CLDN10: variants seen among roughly 807,000 people sequenced by gnomAD.
CLDN10 encodes the protein claudin-10.
CLDN10 carries 15 observed loss-of-function variants against 22.9 expected under a neutral mutation model. The ratio of observed to expected loss-of-function variants is 0.65; its 90% CI spans 0.44 to 1.01. The LOEUF (loss-of-function observed/expected upper bound fraction) is 1.01. Among genes scored for constraint, CLDN10 ranks in the 50% least tolerant of loss-of-function variants. CLDN10 has a pLI of 0.00. For synonymous variants in CLDN10, 114 were observed against 111.4 expected (o/e 1.02, Z -0.15); for missense variants, 247 against 287.8 (o/e 0.86, Z 1.03).
upstream of CLDN10, among the ~76,000 whole-genome samples, chr13:95,549,541 C>T (rs2043543320): frequency 6.6e-6 from 1 of 152,144 alleles, no homozygotes; most frequent in South Asian, 2.1e-4. Context: ...ACAAAACTAG[C>T]TTGAGAAGCA....
At chr13:95,529,321 C>A (rs2043316763) in intron 1 of CLDN10, among the ~76,000 whole-genome samples, 1 of 152,078 alleles carries the variant, frequency 6.6e-6, no homozygotes, top group East Asian at 1.9e-4. Flanking sequence ...GGTGTTTCAT[C>A]AGATCTTCTG....
At chr13:95,447,554 G>A (rs2139073520) in intron 1 of CLDN10, among the ~76,000 whole-genome samples, 1 of 152,242 alleles carries the variant, frequency 6.6e-6, no homozygotes, top group East Asian at 1.9e-4. Context: ...CTGACCCAGT[G>A]CCTGTCCTAA....
Position 95,468,625 on chromosome 13 carries a change from T to C in CLDN10, c.214+34578T>C, listed in dbSNP as rs144085758. 2.0e-4 allele frequency among the ~76,000 whole-genome samples: 31 copies of C among 151,626 alleles called. No homozygotes were observed. In the East Asian group the frequency reaches 4.8e-3, roughly 24 times the overall value. ...CTTGTAATCCCAGCTACTTGGGAGG[T>C]TGAGGTGGGAGGATCATTTGAACCC... On this transcript the variant is annotated intron_variant, in intron 1 of 4. Coordinates refer to the CLDN10 transcript ENST00000376873.
chr13:95,511,765 TC>T (rs2043101715), intron 1 of CLDN10, among the ~76,000 whole-genome samples: 1 of 70,538 alleles, frequency 1.4e-5, no homozygotes, highest in East Asian at 4.6e-4. Flanking sequence ...AGATTCTCTC[TC>T]CTTTTTTTTT....
rs34372824 is a variant in CLDN10 at position 95,467,529 on chromosome 13, T to TTGG, written c.214+33482_214+33483insTGG. Among the ~76,000 whole-genome samples the TTGG allele has an allele frequency of 9.0e-3, 1,352 of 150,878 alleles. 30 individuals are homozygous for TTGG. Among genetic ancestry groups the TTGG allele is most frequent in the African/African-American group, 0.03 (1,234 of 41,128 alleles). Reference sequence around the variant, plus strand: ...TTACCCCTCCCTCTATTGTTTTTTTTGGGGGGGGCAATTTATTTGTTGATG... The same window carrying TTGG: ...TTACCCCTCCCTCTATTGTTTTTTTTTGGGGGGGGGGCAATTTATTTGTTGATG... On this transcript the variant is annotated intron_variant, in intron 1 of 4. Coordinates refer to the CLDN10 transcript ENST00000376873.
At chr13:95,464,854 C>T (rs1003594902) in intron 1 of CLDN10, among the ~76,000 whole-genome samples, 2 of 152,072 alleles carry the variant, frequency 1.3e-5, no homozygotes, top group Admixed American at 1.3e-4. Context: ...GCCTCAGCCT[C>T]CCAAGTAGCT....
chr13:95,555,032 C>T (rs146361606), intron 1 of CLDN10, among the ~76,000 whole-genome samples: 1 of 148,278 alleles, frequency 6.7e-6, no homozygotes, highest in African/African-American at 2.5e-5. Flanking sequence ...ATTCTCACCA[C>T]TCTGTGTTAA....
intron 1 of CLDN10, among the ~76,000 whole-genome samples, chr13:95,545,199 C>T (rs1566328496): frequency 6.6e-6 from 1 of 151,846 alleles, no homozygotes; most frequent in Non-Finnish European, 1.5e-5. Context: ...AATGTTATTC[C>T]AATTGATATA....
intron 3 of CLDN10, among the ~76,000 whole-genome samples, chr13:95,565,616 A>T (rs1173778919): frequency 2.6e-5 from 4 of 152,144 alleles, no homozygotes; most frequent in Non-Finnish European, 5.9e-5. Context: ...GAAATAAACA[A>T]CTACCTACTT....
At chr13:95,569,552 C>T (rs2043828516) in intron 3 of CLDN10, among the ~76,000 whole-genome samples, 1 of 151,904 alleles carries the variant, frequency 6.6e-6, no homozygotes, top group Admixed American at 6.5e-5. Context: ...CCACTGCACT[C>T]CAGCCTGGGC....
intron 1 of CLDN10, among the ~76,000 whole-genome samples, chr13:95,451,922 C>G (rs780535690): frequency 2.0e-5 from 3 of 152,186 alleles, no homozygotes; most frequent in Non-Finnish European, 2.9e-5. Flanking sequence ...GTCCAAAGCA[C>G]AGTGTGATAG....
intron 1 of CLDN10, among the ~76,000 whole-genome samples, chr13:95,448,992 G>A (rs1171488916): frequency 1.3e-5 from 2 of 151,846 alleles, no homozygotes; most frequent in South Asian, 4.2e-4. Flanking sequence ...GCCTCCCTCG[G>A]CTTCCCAAAG....
chr13:95,434,065 G>A, intron 1 of CLDN10: 1 of 1,604,476 alleles, frequency 6.2e-7, no homozygotes, highest in South Asian at 1.1e-5. Flanking sequence ...TAATGGCTTT[G>A]TTTGGGGTGG....
chr13:95,487,641 A>G (rs772098668), intron 1 of CLDN10, among the ~76,000 whole-genome samples: 18 of 152,202 alleles, frequency 1.2e-4, no homozygotes, highest in Non-Finnish European at 2.1e-4. Context: ...ATGTTGTCAC[A>G]TCTGTACTCC....
chr13:95,434,868 C>T (rs114689585), intron 1 of CLDN10, among the ~76,000 whole-genome samples: 69 of 151,930 alleles, frequency 4.5e-4, no homozygotes, highest in African/African-American at 1.6e-3. Context: ...AGGGTTTCCA[C>T]GTTTTTTTTA....
Position 95,578,038 on chromosome 13 carries a change from C to T in CLDN10, c.*24C>T. 1 of 1,406,654 alleles carries T rather than the reference C, an allele frequency of 7.1e-7. No homozygotes were observed. Among genetic ancestry groups the T allele is most frequent in the Non-Finnish European group, 1.0e-6 (1 of 997,156 alleles). 87.1% of individuals were successfully genotyped at this position (1,406,654 alleles called of 1,614,324 possible). On this transcript the variant is annotated 3_prime_UTR_variant, in exon 5 of 5. Transcript: ENST00000299339. ...AAAAGAGCTCGCTGGCAAGCTGCCTCTTGAGTTTGTTATAAAAGCGAACTG... is the reference window on the plus strand; with the variant it reads ...AAAAGAGCTCGCTGGCAAGCTGCCTTTTGAGTTTGTTATAAAAGCGAACTG...
chr13:95,535,068 G>T (rs1309760788), intron 1 of CLDN10, among the ~76,000 whole-genome samples: 7 of 152,222 alleles, frequency 4.6e-5, no homozygotes, highest in East Asian at 1.9e-4. Context: ...AGCAAAAAAG[G>T]CATCCTGGGT....
intron 1 of CLDN10, among the ~76,000 whole-genome samples, chr13:95,557,861 C>T (rs749952976): frequency 2.6e-5 from 4 of 152,146 alleles, no homozygotes; most frequent in African/African-American, 9.7e-5. Flanking sequence ...TATTAAGAAT[C>T]GAATGGGTTG....
intron 1 of CLDN10, among the ~76,000 whole-genome samples, chr13:95,482,057 A>G (rs1301977284): frequency 6.6e-6 from 1 of 152,184 alleles, no homozygotes; most frequent in African/African-American, 2.4e-5. Context: ...ACTTAATTGT[A>G]CATGTAAAAA....
Sources: gnomAD v4.1 joint callset for allele counts (sites outside exome capture counted in the v4.1 genomes callset) on GRCh38, gnomAD v4.1.1 for gene constraint, MANE v1.5 for transcripts, NCBI Gene and HGNC (gene_info 2026-07-23, HGNC 2026-07-21) for gene names.